The following SUPT3H variants were observed in gnomAD, a reference collection of about 807,000 sequenced individuals.
SUPT3H encodes the protein transcription initiation protein SPT3 homolog.
A neutral mutation model predicts 44.3 loss-of-function variants in SUPT3H; 44 were observed. That is an observed-to-expected ratio of 0.99 (90% confidence interval 0.78 to 1.28). The LOEUF (loss-of-function observed/expected upper bound fraction) is 1.28, where lower values mean the gene tolerates loss of function less well. Ranked by LOEUF, SUPT3H falls within the 50% of genes most tolerant of loss-of-function variation. The probability of loss-of-function intolerance (pLI) is 0.00; values close to 1 mark genes in which losing one functional copy is unlikely to be tolerated. For missense variants in SUPT3H, 380 were observed against 387.1 expected, an observed-to-expected ratio of 0.98 and a Z score of 0.15; for synonymous variants, 124 against 125.6, an observed-to-expected ratio of 0.99 and a Z score of 0.09.
chr6:45,347,833 C>G (rs1371160554), intron 2 of SUPT3H, among the ~76,000 whole-genome samples: 2 of 151,308 alleles, frequency 1.3e-5, no homozygotes, highest in Non-Finnish European at 2.9e-5. Flanking sequence ...ATTCTGTATT[C>G]ACATTGTAAT....
intron 2 of SUPT3H, among the ~76,000 whole-genome samples, chr6:45,155,621 A>G (rs1807690611): frequency 1.3e-5 from 2 of 152,170 alleles, no homozygotes; most frequent in Admixed American, 6.6e-5. Flanking sequence ...AGCTTGGCCT[A>G]TGTACAAAGA....
rs1024653078 is a variant in SUPT3H, at chr6:44,886,276, G to T, written c.912+46377C>A. Among the ~76,000 whole-genome samples the T allele has an allele frequency of 1.9e-3, 294 of 152,104 alleles. 3 individuals are homozygous for T. Among genetic ancestry groups the T allele is most frequent in the Admixed American group, 6.2e-3 (94 of 15,260 alleles). On this transcript the variant is annotated intron_variant, in intron 10 of 10. Transcript: ENST00000371459. ...CAGGAAATACAGAGAACGCCACAAA[G>T]ATACTCCTCGAGAAGAGCAACTCCA...
At chr6:44,939,903 T>TC (rs35765767) in intron 9 of SUPT3H, among the ~76,000 whole-genome samples, 147,738 of 152,206 alleles carry the variant, frequency 0.97, 71,727 homozygotes, top group East Asian at 1. Flanking sequence ...TTGTAATATC[T>TC]CTTGTTCAAT....
chr6:45,253,396 T>A (rs992318872), intron 2 of SUPT3H, among the ~76,000 whole-genome samples: 1 of 152,204 alleles, frequency 6.6e-6, no homozygotes, highest in African/African-American at 2.4e-5. Flanking sequence ...ACTGGGCATT[T>A]TGAAGTGCCC....
At chr6:45,067,655 C>T (rs927560763) in intron 3 of SUPT3H, among the ~76,000 whole-genome samples, 18 of 150,682 alleles carry the variant, frequency 1.2e-4, no homozygotes, top group African/African-American at 3.4e-4. Context: ...GGGCGAAGGA[C>T]ATGAACAGAC....
intron 6 of SUPT3H, among the ~76,000 whole-genome samples, chr6:44,995,962 C>T (rs530873553): frequency 1.3e-5 from 2 of 151,918 alleles, no homozygotes; most frequent in East Asian, 3.9e-4. Flanking sequence ...AATGTGTTTG[C>T]GAAACATGAA....
chr6:45,020,437 T>C lies in SUPT3H; in HGVS notation c.273+109A>G, dbSNP rs560659359. 11 of 754,972 alleles carry C rather than the reference T, an allele frequency of 1.5e-5. No homozygotes were observed. In the East Asian group the frequency reaches 2.8e-4, roughly 19 times the overall value. The allele number at this position is 754,972 out of a possible 1,614,324, so 46.8% of individuals were successfully genotyped here. On this transcript the variant is annotated intron_variant, in intron 4 of 10. Coordinates refer to ENST00000371459, the MANE Select transcript of SUPT3H (RefSeq NM_003599.4). ...CATGAAGACTAAAACATCAGTTCAA[T>C]AGTTATTATTTTAATTTGAAAGGTA...
chr6:45,293,154 G>A (rs1222715143), intron 2 of SUPT3H, among the ~76,000 whole-genome samples: 2 of 151,990 alleles, frequency 1.3e-5, no homozygotes, highest in Non-Finnish European at 2.9e-5. Context: ...ACCACAGTGG[G>A]ATAAAACTGG....
At chr6:45,230,688 T>TATATATATA (rs1562747134) in intron 2 of SUPT3H, among the ~76,000 whole-genome samples, 1 of 39,862 alleles carries the variant, frequency 2.5e-5, no homozygotes, top group South Asian at 1.1e-3. Context: ...ATATATATAT[T>TATATATATA]TTTGAGATGG....
chr6:45,012,340 TTTTC>T (rs1217694650), intron 5 of SUPT3H, among the ~76,000 whole-genome samples: 12 of 152,058 alleles, frequency 7.9e-5, no homozygotes, highest in East Asian at 1.9e-4. Context: ...AGCTGTTAAT[TTTTC>T]TTTATTATTT....
chr6:45,086,104 G>A (rs527609074), intron 3 of SUPT3H, among the ~76,000 whole-genome samples: 1 of 152,054 alleles, frequency 6.6e-6, no homozygotes, highest in South Asian at 2.1e-4. Context: ...GTAAAGTTAA[G>A]CATAAATTAA....
At chr6:45,145,900 C>T (rs547626894) in intron 2 of SUPT3H, among the ~76,000 whole-genome samples, 22 of 151,954 alleles carry the variant, frequency 1.4e-4, no homozygotes, top group Middle Eastern at 3.4e-3. Context: ...AAATGGCCAA[C>T]GAACATATGA....
chr6:45,017,027 A>G (rs1156912962), intron 4 of SUPT3H, among the ~76,000 whole-genome samples: 1 of 150,924 alleles, frequency 6.6e-6, no homozygotes, highest in Non-Finnish European at 1.5e-5. Flanking sequence ...CTTTTTAATG[A>G]TTGCCATTCT....
At chr6:44,821,979 CA>C (rs1379870437), downstream of SUPT3H, among the ~76,000 whole-genome samples, 1 of 152,098 alleles carries the variant, frequency 6.6e-6, no homozygotes, top group Admixed American at 6.6e-5. Context: ...AAGGTAGTGT[CA>C]AAAAACTAGC....
chr6:45,298,944 C>T (rs1781708735), intron 2 of SUPT3H, among the ~76,000 whole-genome samples: 1 of 152,126 alleles, frequency 6.6e-6, no homozygotes, highest in East Asian at 1.9e-4. Flanking sequence ...GCTTCTAAAA[C>T]ATGGACCATT....
chr6:45,153,877 A>G (rs1562563563), intron 2 of SUPT3H, among the ~76,000 whole-genome samples: 1 of 151,890 alleles, frequency 6.6e-6, no homozygotes, highest in East Asian at 1.9e-4. Context: ...AAACCAGCCT[A>G]ACCAACATGG....
At chr6:45,071,580 C>T (rs1007537289) in intron 3 of SUPT3H, among the ~76,000 whole-genome samples, 2 of 152,152 alleles carry the variant, frequency 1.3e-5, no homozygotes, top group African/African-American at 4.8e-5. Flanking sequence ...CAAGAAACAG[C>T]TTTCCCAGAA....
At position 45,225,522 on chromosome 6, in the gene SUPT3H, T is replaced by A. The variant is rs953129765; in HGVS notation, c.102-119516A>T. Among the ~76,000 whole-genome samples the A allele has an allele frequency of 6.6e-5, 10 of 152,298 alleles. No individual in the cohort carries two copies. The South Asian group carries it at 2.1e-3, about 32-fold the overall frequency. On this transcript the variant is annotated intron_variant, in intron 2 of 10. Coordinates refer to ENST00000371459, the MANE Select transcript of SUPT3H (RefSeq NM_003599.4). ...AGCTAAATCTATACAAAATTTCTTA[T>A]AAAAATTAATATTTTTGACCATTCC... is the stretch of plus-strand genomic sequence containing the variant.
intron 11 of SUPT3H, among the ~76,000 whole-genome samples, chr6:44,818,985 A>G (rs1767091715): frequency 1.3e-5 from 2 of 152,252 alleles, no homozygotes; most frequent in South Asian, 4.1e-4. Context: ...CCCAATACAA[A>G]TGAACACGTG....
Sources: gnomAD v4.1 joint callset for allele counts (sites outside exome capture counted in the v4.1 genomes callset) on GRCh38, gnomAD v4.1.1 for gene constraint, MANE v1.5 for transcripts, NCBI Gene and HGNC (gene_info 2026-07-23, HGNC 2026-07-21) for gene names.